THBS3: variants seen among roughly 807,000 people sequenced by gnomAD.
THBS3 encodes the protein thrombospondin 3, also known as thrombospondin-3.
In THBS3, 78 loss-of-function variants were observed where a neutral mutation model predicts 118.3. That is an observed-to-expected ratio of 0.66 (90% CI 0.55 to 0.80). The LOEUF is 0.80. Among genes scored for constraint, THBS3 ranks in the 30% least tolerant of loss-of-function variants. THBS3 has a pLI of 0.00. For missense variants in THBS3, 1,057 were observed against 1,247.4 expected, an observed-to-expected ratio of 0.85 and a Z score of 2.30; for synonymous variants, 427 against 475.3, an observed-to-expected ratio of 0.90 and a Z score of 1.32.
chr1:155,208,664 G>C, upstream of THBS3: 1 of 936,182 alleles, frequency 1.1e-6, no homozygotes, highest in Non-Finnish European at 1.5e-6. Flanking sequence ...TCACCTAAGC[G>C]ACAGCCTGCG....
rs772089768 is a variant in THBS3, at chr1:155,198,252, GC to G, written c.2075-33del. 3.1e-6 allele frequency: 5 copies of G among 1,610,586 alleles called. No homozygotes were observed. In the South Asian group the frequency reaches 3.3e-5, roughly 11 times the overall value. On this transcript the variant is annotated intron_variant, in intron 17 of 22. Coordinates refer to ENST00000368378, the MANE Select transcript of THBS3 (RefSeq NM_007112.5). ...AGAGTGAGGCTGGGTGCTCAGGAAG[GC>G]CCTGGCCACTGCCATTAGGCAACAA...
At chr1:155,201,310 C>G in intron 11 of THBS3, 106 bp from the exon 12 acceptor site, 1 of 1,579,450 alleles carries the variant, frequency 6.3e-7, no homozygotes, top group South Asian at 1.2e-5. Flanking sequence ...GTTCCTGGGC[C>G]CAGGCCCACC....
In THBS3 at chr1:155,197,984, C is replaced by T; in HGVS notation, c.2254-56G>A. Reference sequence around the variant, plus strand: ...ATGCAGGTGTGCTATCCCTCCCAGGCCCCCCGTCCCAGTAGCCCTGTCTGA... The same window carrying T: ...ATGCAGGTGTGCTATCCCTCCCAGGTCCCCCGTCCCAGTAGCCCTGTCTGA... On this transcript the variant is annotated intron_variant, in intron 18 of 22. Coordinates refer to ENST00000368378, the MANE Select transcript of THBS3 (RefSeq NM_007112.5). This position sits in a 1 kb window ranked among gnomAD's most constrained non-coding sequence, Gnocchi z 5.0. 1.2e-6 allele frequency: 2 copies of T among 1,613,862 alleles called. No individual in the cohort carries two copies. Among genetic ancestry groups the T allele is most frequent in the Non-Finnish European group, 1.7e-6 (2 of 1,179,760 alleles).
intron 12 of THBS3, 34 bp downstream of exon 12, chr1:155,201,060 C>G: frequency 6.2e-7 from 1 of 1,614,178 alleles, no homozygotes; most frequent in Non-Finnish European, 8.5e-7. Flanking sequence ...CTTGGGCTCC[C>G]CACTACGCCC....
At position 155,202,746 on chromosome 1, in the gene THBS3, T is replaced by A. The variant is rs1669968779; in HGVS notation, c.957+66A>T. 3.9e-6 allele frequency: 6 copies of A among 1,552,042 alleles called. 1 individual carries two copies. The Admixed American group carries it at 9.4e-5, about 24-fold the overall frequency. ...CTCCGGACCAGCATTTATCCCACCCTCTTGGGTGCCTCCTGACATCCTCAC... is the reference window on the plus strand; with the variant it reads ...CTCCGGACCAGCATTTATCCCACCCACTTGGGTGCCTCCTGACATCCTCAC... On this transcript the variant is annotated intron_variant, in intron 8 of 22. Transcript: ENST00000368378. The surrounding 1 kb of genome is among the most constrained non-coding windows in gnomAD (Gnocchi z 5.5).
chr1:155,203,216 C>G lies in THBS3; in HGVS notation c.756+7G>C, dbSNP rs771613498. On this transcript the variant is annotated splice_region_variant and intron_variant, in intron 6 of 22. Coordinates refer to ENST00000368378, the MANE Select transcript of THBS3 (RefSeq NM_007112.5). ...ATCAGTGCCACCCTTCGCCAGCCCACCCAAACCTGGTCTCGTATATCATCC... is the reference window on the plus strand; with the variant it reads ...ATCAGTGCCACCCTTCGCCAGCCCAGCCAAACCTGGTCTCGTATATCATCC... The G allele has an allele frequency of 1.9e-6, 3 of 1,614,118 alleles. No individual in the cohort carries two copies. In the South Asian group the frequency reaches 3.3e-5, roughly 18 times the overall value.
chr1:155,209,172 G>T (rs756221795), upstream of THBS3: 2 of 1,487,618 alleles, frequency 1.3e-6, no homozygotes, highest in East Asian at 5.0e-5. Context: ...ACGATCGGAG[G>T]GGCGGTGGCG....
upstream of THBS3, chr1:155,209,029 C>T (rs1169099792): frequency 6.4e-7 from 1 of 1,567,986 alleles, no homozygotes; most frequent in South Asian, 1.2e-5. Context: ...TGTCCCGCTA[C>T]GTGGGCCACC....
chr1:155,205,089 T>C lies in THBS3; in HGVS notation c.514A>G (p.Thr172Ala). The change falls in exon 3 of 23, where the codon ACT becomes GCT. Residue 172 changes from threonine (T) to alanine (A), a missense_variant. Physicochemically the swap from Thr to Ala is moderately conservative, Grantham distance 58. Coordinates refer to ENST00000368378, the MANE Select transcript of THBS3 (RefSeq NM_007112.5). ...PAEVDGLEIR[T>A]GQKAYLRMQG... ...ATCCTCAAATACGCCTTCTGTCCAG[T>C]CCTAATCTCCAGCCCATCGACCTCC... 1 of 1,613,998 alleles carries C rather than the reference T, an allele frequency of 6.2e-7. No homozygotes were observed. The highest frequency in any genetic ancestry group is 8.5e-7 in the Non-Finnish European group (1 of 1,179,968).
Position 155,200,817 on chromosome 1 carries a change from G to C in THBS3, c.1548+80C>G, listed in dbSNP as rs370389513. ...AGTATTTGGCCCTTACTAGAGAGCT[G>C]CCAGATGAGGTAAGTGAGGCACAGA... On this transcript the variant is annotated intron_variant, in intron 13 of 22. Coordinates refer to ENST00000368378, the MANE Select transcript of THBS3 (RefSeq NM_007112.5). The C allele has an allele frequency of 3.3e-4, 533 of 1,610,736 alleles. 7 individuals carry two copies. In the South Asian group the frequency reaches 5.6e-3, roughly 17 times the overall value.
Position 155,197,158 on chromosome 1 carries a change from G to T in THBS3, c.2555C>A (p.Thr852Asn). Residue 852 changes from threonine to asparagine, a missense_variant, in exon 21 of 23, where the codon ACT becomes AAT. Around this residue, in one of 3 missense-constraint regions of THBS3, gnomAD observed 307 missense variants for 326.1 expected, o/e 0.94. Coordinates refer to ENST00000368378, the MANE Select transcript of THBS3 (RefSeq NM_007112.5). The surrounding 1 kb of genome is among the most constrained non-coding windows in gnomAD (Gnocchi z 5.0). ...TCGTACCTGATCAGGGGTGTGGCCA[G>T]TATGCCACAGGGCATTTCGGAGGTG... ...GEHLRNALWHTGHTPDQVRLL... is the reference protein window; with the variant it reads ...GEHLRNALWHNGHTPDQVRLL... 1 of 1,614,206 alleles carries T rather than the reference G, an allele frequency of 6.2e-7. No homozygotes were observed. The highest frequency in any genetic ancestry group is 1.1e-5 in the South Asian group (1 of 91,086).
chr1:155,200,419 C>T (rs565005457), intron 14 of THBS3, 32 bp downstream of exon 14: 5 of 1,604,524 alleles, frequency 3.1e-6, no homozygotes, highest in Non-Finnish European at 4.3e-6. Flanking sequence ...CTCACAGGTC[C>T]CCCAGCCACC....
chr1:155,201,678 C>A, intron 10 of THBS3, 109 bp from the exon 11 acceptor site: 1 of 1,247,022 alleles, frequency 8.0e-7, no homozygotes, highest in Non-Finnish European at 1.1e-6. Context: ...TTATGCCAGG[C>A]ATATCAGTAT....
Position 155,205,068 on chromosome 1 carries a change from T to A in THBS3, c.535A>T (p.Arg179Trp). 6.2e-7 allele frequency: 1 copy of A among 1,613,250 alleles called. No homozygotes were observed. The highest frequency in any genetic ancestry group is 8.5e-7 in the Non-Finnish European group (1 of 1,179,426). ...GGCTCCTCCCGGCTCACCTGCATCCTCAAATACGCCTTCTGTCCAGTCCTA... is the reference window on the plus strand; with the variant it reads ...GGCTCCTCCCGGCTCACCTGCATCCACAAATACGCCTTCTGTCCAGTCCTA... ...EIRTGQKAYL[R>W]MQGFVESMKI... The change falls in exon 3 of 23, where the codon AGG becomes TGG. Residue 179 changes from arginine (R) to tryptophan (W), a missense_variant. Physicochemically the swap from Arg to Trp is moderately radical, Grantham distance 101. Transcript: ENST00000368378.
upstream of THBS3, chr1:155,208,781 C>T: frequency 6.7e-7 from 1 of 1,491,180 alleles, no homozygotes; most frequent in Non-Finnish European, 8.9e-7. Flanking sequence ...GGGCCCGCTC[C>T]AAACATAACG....
At chr1:155,200,636 G>T (rs185821003) in intron 13 of THBS3, 26 bp from the exon 14 acceptor site, 4 of 1,611,128 alleles carry the variant, frequency 2.5e-6, no homozygotes, top group African/African-American at 2.7e-5. Flanking sequence ...GGAGGGGAAG[G>T]GTCAGGTCTC....
intron 4 of THBS3, among the ~76,000 whole-genome samples, chr1:155,203,841 A>ATT (rs397960325): frequency 8.5e-5 from 12 of 141,840 alleles, no homozygotes; most frequent in African/African-American, 2.3e-4. Context: ...GTATATCCCC[A>ATT]TTTTTTTTTT....
chr1:155,203,175 G>A (rs1557871640), intron 6 of THBS3, 38 bp from the exon 7 acceptor site: 1 of 1,614,178 alleles, frequency 6.2e-7, no homozygotes, highest in Admixed American at 1.7e-5. Flanking sequence ...CTTGACATCT[G>A]CCACCCTACC....
chr1:155,197,670 GGT>G lies in THBS3; in HGVS notation c.2303-13_2303-12del. The G allele has an allele frequency of 6.3e-7, 1 of 1,594,360 alleles. No homozygotes were observed. Among genetic ancestry groups the G allele is most frequent in the Non-Finnish European group, 8.6e-7 (1 of 1,162,636 alleles). On this transcript the variant is annotated splice_polypyrimidine_tract_variant and intron_variant, in intron 19 of 22. Transcript: ENST00000368378. The surrounding 1 kb of genome is among the most constrained non-coding windows in gnomAD (Gnocchi z 5.0). ...TGAAGGCCGTGTATCCTGGGGTGGG[GGT>G]GGGATAAAGGTCAGGGGCAGCAAAG...
Sources: gnomAD v4.1 joint callset for allele counts (sites outside exome capture counted in the v4.1 genomes callset) on GRCh38, gnomAD v4.1.1 for gene constraint, gnomAD v4.1.1 regional missense constraint, Gnocchi (gnomAD v3.1) non-coding constraint, MANE v1.5 for transcripts, NCBI Gene and HGNC (gene_info 2026-07-23, HGNC 2026-07-21) for gene names.